ARB2A: variants seen among roughly 807,000 people sequenced by gnomAD.
ARB2A encodes cotranscriptional regulator ARB2A.
the ARB2A span, among the ~76,000 whole-genome samples, chr5:94,101,606 G>A: frequency 3.9e-5 from 6 of 152,148 alleles, no homozygotes; most frequent in Admixed American, 3.9e-4. Flanking sequence ...ATATTACACA[G>A]TCATAAAAAA....
chr5:93,927,415 T>A, the ARB2A span, among the ~76,000 whole-genome samples: 1 of 152,150 alleles, frequency 6.6e-6, no homozygotes, highest in Admixed American at 6.5e-5. Context: ...ATTGATGAAC[T>A]GCTGTTTGTG....
chr5:93,926,813 C>A, the ARB2A span, among the ~76,000 whole-genome samples: 3 of 150,800 alleles, frequency 2.0e-5, no homozygotes, highest in Admixed American at 6.6e-5. Context: ...ATTCTATTAG[C>A]CCAAGCAGGG....
chr5:93,657,681 A>G, the ARB2A span, among the ~76,000 whole-genome samples: 1 of 152,182 alleles, frequency 6.6e-6, no homozygotes, highest in Admixed American at 6.5e-5. Flanking sequence ...AGATTACAGT[A>G]CTAATTTCCC....
chr5:93,667,669 G>T, the ARB2A span, among the ~76,000 whole-genome samples: 14 of 152,102 alleles, frequency 9.2e-5, no homozygotes, highest in Non-Finnish European at 1.8e-4. Context: ...ATGTTGTCCA[G>T]GCTGGTCTTG....
At chr5:93,849,331 A>C in the ARB2A span, among the ~76,000 whole-genome samples, 2 of 152,338 alleles carry the variant, frequency 1.3e-5, no homozygotes, top group South Asian at 4.1e-4. Context: ...ATAAAAATAC[A>C]GAATGTAAAA....
At chr5:93,777,060 T>A in the ARB2A span, among the ~76,000 whole-genome samples, 1 of 150,914 alleles carries the variant, frequency 6.6e-6, no homozygotes, top group African/African-American at 2.4e-5. Flanking sequence ...ATACTATTTT[T>A]AAATTTTTAC....
At chr5:93,743,988 A>G in the ARB2A span, among the ~76,000 whole-genome samples, 3 of 152,216 alleles carry the variant, frequency 2.0e-5, no homozygotes, top group African/African-American at 4.8e-5. Flanking sequence ...TCATAAGAGA[A>G]GAACAGGAAA....
the ARB2A span, among the ~76,000 whole-genome samples, chr5:94,101,461 G>A: frequency 6.6e-6 from 1 of 152,080 alleles, no homozygotes; most frequent in East Asian, 1.9e-4. Flanking sequence ...CTCAGAGGAA[G>A]ACTATCTACC....
the ARB2A span, among the ~76,000 whole-genome samples, chr5:93,826,297 T>G: frequency 3.9e-5 from 6 of 152,242 alleles, no homozygotes; most frequent in African/African-American, 1.4e-4. Context: ...GTCATGGATA[T>G]TAGACAATGC....
chr5:93,866,641 T>C, the ARB2A span, among the ~76,000 whole-genome samples: 1 of 152,174 alleles, frequency 6.6e-6, no homozygotes, highest in Non-Finnish European at 1.5e-5. Context: ...GTTTTGCATA[T>C]ACAGACGGCC....
the ARB2A span, among the ~76,000 whole-genome samples, chr5:93,947,318 T>C: frequency 1.1e-4 from 17 of 152,120 alleles, no homozygotes; most frequent in African/African-American, 3.1e-4. Context: ...AAACTGCAAA[T>C]CCAAATCCAC....
chr5:93,720,843 C>A, the ARB2A span, among the ~76,000 whole-genome samples: 1 of 152,110 alleles, frequency 6.6e-6, no homozygotes, highest in African/African-American at 2.4e-5. Context: ...CTACTTTTTA[C>A]TTTGTTAAAA....
At chr5:94,056,580 A>G in the ARB2A span, among the ~76,000 whole-genome samples, 1 of 152,160 alleles carries the variant, frequency 6.6e-6, no homozygotes, top group Non-Finnish European at 1.5e-5. Flanking sequence ...CAGATATGAC[A>G]CGACTGTTTT....
chr5:93,904,613 T>C, the ARB2A span, among the ~76,000 whole-genome samples: 5 of 151,836 alleles, frequency 3.3e-5, no homozygotes, highest in African/African-American at 1.2e-4. Context: ...ATGTATAGTG[T>C]GGACATTTAC....
the ARB2A span, among the ~76,000 whole-genome samples, chr5:93,761,486 C>T: frequency 6.6e-6 from 1 of 152,178 alleles, no homozygotes; most frequent in African/African-American, 2.4e-5. Flanking sequence ...GATCAAACTG[C>T]AAGGCAGAAG....
At chr5:93,700,851 A>G in the ARB2A span, among the ~76,000 whole-genome samples, 1 of 152,164 alleles carries the variant, frequency 6.6e-6, no homozygotes, top group African/African-American at 2.4e-5. Context: ...TCCTGGATAG[A>G]ACTTTTATTG....
At chr5:93,882,393 C>T in the ARB2A span, among the ~76,000 whole-genome samples, 1 of 150,886 alleles carries the variant, frequency 6.6e-6, no homozygotes, top group Non-Finnish European at 1.5e-5. Flanking sequence ...TTTCAACCTA[C>T]CATAAAAATT....
chr5:94,041,709 C>T, the ARB2A span, among the ~76,000 whole-genome samples: 1 of 152,002 alleles, frequency 6.6e-6, no homozygotes, highest in Admixed American at 6.6e-5. Context: ...ATTAAGTTTC[C>T]TAAATGCTTT....
the ARB2A span, among the ~76,000 whole-genome samples, chr5:94,077,360 G>A: frequency 2.7e-5 from 4 of 149,904 alleles, no homozygotes; most frequent in Non-Finnish European, 4.4e-5. Flanking sequence ...TTGACAAAGC[G>A]AGACTCTGTC....
Sources: gnomAD v4.1 joint callset for allele counts (sites outside exome capture counted in the v4.1 genomes callset) on GRCh38, gnomAD v4.1.1 for gene constraint, MANE v1.5 for transcripts, NCBI Gene and HGNC (gene_info 2026-07-23, HGNC 2026-07-21) for gene names.